ENDOD1: variants seen among roughly 807,000 people sequenced by gnomAD.
ENDOD1 encodes the protein endonuclease domain-containing 1 protein.
In ENDOD1, 9 loss-of-function variants were observed where a neutral mutation model predicts 6.5. The observed-to-expected ratio is 1.39, with a 90% CI of 0.84 to 2.43. The LOEUF (loss-of-function observed/expected upper bound fraction) is 2.43. Ranked by LOEUF, ENDOD1 falls within the 30% of genes most tolerant of loss-of-function variation. ENDOD1 has a pLI of 0.00. For missense variants in ENDOD1, 648 were observed against 635.5 expected, an observed-to-expected ratio of 1.02 and a Z score of -0.21; for synonymous variants, 255 against 255.2, an observed-to-expected ratio of 1.00 and a Z score of 0.01.
intron 1 of ENDOD1, among the ~76,000 whole-genome samples, chr11:95,102,196 C>T (rs557814151): frequency 5.3e-5 from 8 of 152,226 alleles, no homozygotes; most frequent in African/African-American, 1.9e-4. Context: ...TTACTAAAGC[C>T]TACTGCCATT....
At chr11:95,108,410 C>G (rs1455939492) in intron 1 of ENDOD1, among the ~76,000 whole-genome samples, 2 of 151,744 alleles carry the variant, frequency 1.3e-5, no homozygotes, top group Non-Finnish European at 2.9e-5. Context: ...AAGGGTGATT[C>G]ACTGGAGGAA....
At chr11:95,090,359 A>T in intron 1 of ENDOD1, 132 bp downstream of exon 1, 1 of 1,230,376 alleles carries the variant, frequency 8.1e-7, no homozygotes, top group South Asian at 2.2e-5. Flanking sequence ...TTGGGCCAAG[A>T]AACCCGGGTT....
At position 95,090,137 on chromosome 11, in the gene ENDOD1, C is replaced by T; in HGVS notation, c.210C>T (p.Ser70=). The T allele has an allele frequency of 1.3e-6, 2 of 1,529,796 alleles. No individual in the cohort carries two copies. Among genetic ancestry groups the T allele is most frequent in the Non-Finnish European group, 1.8e-6 (2 of 1,137,444 alleles). The allele number at this position is 1,529,796 out of a possible 1,614,324, so 94.8% of individuals were successfully genotyped here. The change falls in exon 1 of 2, where the codon AGC becomes AGT. Residue 70 remains serine, a synonymous_variant. Transcript: ENST00000278505. ...CTGAGCGCTTCGCCACCCTCTACAG[C>T]ACCCGGGACCGCATCCCCGTGTACT... The part of the protein sequence containing the change: ...EGAERFATLY[S]TRDRIPVYSA...
At chr11:95,101,064 T>C (rs782356962) in intron 1 of ENDOD1, among the ~76,000 whole-genome samples, 2 of 152,104 alleles carry the variant, frequency 1.3e-5, no homozygotes, top group Non-Finnish European at 2.9e-5. Flanking sequence ...GTGCTCACCA[T>C]TGAGTCCTGG....
chr11:95,107,178 AC>A (rs1192146479), intron 1 of ENDOD1, among the ~76,000 whole-genome samples: 1 of 149,258 alleles, frequency 6.7e-6, no homozygotes, highest in African/African-American at 2.5e-5. Context: ...GTGGAGGGGA[AC>A]TTTTTTTTTA....
intron 1 of ENDOD1, among the ~76,000 whole-genome samples, chr11:95,095,052 C>T (rs1858970708): frequency 6.6e-6 from 1 of 151,066 alleles, no homozygotes; most frequent in African/African-American, 2.5e-5. Context: ...CGCACACACA[C>T]ACACACACAC....
intron 1 of ENDOD1, among the ~76,000 whole-genome samples, chr11:95,118,370 T>C (rs1859230965): frequency 6.6e-6 from 1 of 152,160 alleles, no homozygotes; most frequent in Non-Finnish European, 1.5e-5. Flanking sequence ...TCTCTCAGCT[T>C]TTGTTTGTCT....
At position 95,129,245 on chromosome 11, in the gene ENDOD1, T is replaced by C. The variant is rs1565450235; in HGVS notation, c.1169T>C (p.Ile390Thr). 7 of 1,614,114 alleles carry C rather than the reference T, an allele frequency of 4.3e-6. No homozygotes were observed. The highest frequency in any genetic ancestry group is 1.1e-5 in the South Asian group (1 of 91,084). ...GSATISYFMA[I>T]GEELVSIPWK... is the part of the protein sequence containing the mutation. ...GCCACCATCTCATACTTCATGGCCA[T>C]TGGGGAAGAGTTGGTGAGCATTCCC... The change falls in exon 2 of 2, where the codon ATT becomes ACT. Residue 390 changes from isoleucine to threonine, a missense_variant. Coordinates refer to ENST00000278505, the MANE Select transcript of ENDOD1 (RefSeq NM_015036.3).
At chr11:95,095,960 T>C (rs1858979557) in intron 1 of ENDOD1, among the ~76,000 whole-genome samples, 1 of 152,200 alleles carries the variant, frequency 6.6e-6, no homozygotes, top group South Asian at 2.1e-4. Context: ...GTTCTTTGGA[T>C]GGTTTATGGT....
chr11:95,100,051 T>TC (rs1278832560), intron 1 of ENDOD1, among the ~76,000 whole-genome samples: 1 of 152,242 alleles, frequency 6.6e-6, no homozygotes, highest in Non-Finnish European at 1.5e-5. Flanking sequence ...CATTCTTGGA[T>TC]ATCTCCATTG....
chr11:95,091,719 T>C (rs1454838029), intron 1 of ENDOD1, among the ~76,000 whole-genome samples: 1 of 95,470 alleles, frequency 1.0e-5, no homozygotes, highest in African/African-American at 4.4e-5. Context: ...TAGTGACTCC[T>C]GCTGTGTGCC....
At position 95,131,541 on chromosome 11, in the gene ENDOD1, C is replaced by T. The variant is rs1356966892; in HGVS notation, c.*1962C>T. On this transcript the variant is annotated 3_prime_UTR_variant, in exon 2 of 2. Coordinates refer to ENST00000278505, the MANE Select transcript of ENDOD1 (RefSeq NM_015036.3). ...GTCCCATCACACCTGAGATGTCAGA[C>T]ATGGGAAGTTCGTGCTATTATTCAG... 5 of 152,222 alleles carry T rather than the reference C, an allele frequency of 3.3e-5. No homozygotes were observed. The highest frequency in any genetic ancestry group is 1.2e-4 in the African/African-American group (5 of 41,460). 9.4% of individuals were successfully genotyped at this position (152,222 alleles called of 1,614,324 possible). A position where few individuals can be genotyped will look rare whatever the true frequency, so the allele number is the denominator to read the frequency against.
intron 1 of ENDOD1, among the ~76,000 whole-genome samples, chr11:95,119,940 G>C (rs1036622518): frequency 3.9e-5 from 6 of 152,186 alleles, no homozygotes; most frequent in African/African-American, 1.4e-4. Context: ...TCACCCTGTG[G>C]GCTCTGACAC....
intron 1 of ENDOD1, among the ~76,000 whole-genome samples, chr11:95,097,593 G>T (rs79133068): frequency 6.6e-6 from 1 of 152,154 alleles, no homozygotes; most frequent in Non-Finnish European, 1.5e-5. Flanking sequence ...AGAGAGCTTC[G>T]ATGTGATCTG....
At chr11:95,090,685 A>G (rs1858921988) in intron 1 of ENDOD1, among the ~76,000 whole-genome samples, 1 of 152,070 alleles carries the variant, frequency 6.6e-6, no homozygotes, top group Admixed American at 6.5e-5. Context: ...TCCCCATTTT[A>G]CAGAAGAGGA....
At chr11:95,107,320 C>T (rs1859098867) in intron 1 of ENDOD1, among the ~76,000 whole-genome samples, 1 of 143,656 alleles carries the variant, frequency 7.0e-6, no homozygotes, top group African/African-American at 2.6e-5. Context: ...GGCGAGAGAG[C>T]GAGACTCAGT....
rs144364738 is a variant in ENDOD1, at chr11:95,122,223, A to G, written c.301-6154A>G. Among the ~76,000 whole-genome samples the G allele has an allele frequency of 4.2e-3, 642 of 151,992 alleles. 5 individuals are homozygous for G. Among genetic ancestry groups the G allele is most frequent in the African/African-American group, 0.015 (619 of 41,466 alleles). On this transcript the variant is annotated intron_variant, in intron 1 of 1. Transcript: ENST00000278505. Reference sequence around the variant, plus strand: ...AGTATTACTATTGTTATTTTTCTATATATTTTTTTCAGTTTTTGAGACAGA... The same window carrying G: ...AGTATTACTATTGTTATTTTTCTATGTATTTTTTTCAGTTTTTGAGACAGA...
intron 1 of ENDOD1, among the ~76,000 whole-genome samples, chr11:95,100,971 C>G (rs1360733355): frequency 7.1e-6 from 1 of 141,140 alleles, no homozygotes; most frequent in Non-Finnish European, 1.5e-5. Context: ...TAATAAGTTG[C>G]AATTATACAT....
chr11:95,130,677 A>G lies in ENDOD1; in HGVS notation c.*1098A>G, dbSNP rs556081575. On this transcript the variant is annotated 3_prime_UTR_variant, in exon 2 of 2. Transcript: ENST00000278505. Reference sequence around the variant, plus strand: ...AAAAGTTATTGTGGCCATCTCTGAAAAAAATATATAAAATATTTAAGAATA... The same window carrying G: ...AAAAGTTATTGTGGCCATCTCTGAAGAAAATATATAAAATATTTAAGAATA... 5.3e-5 allele frequency: 8 copies of G among 152,328 alleles called. 1 individual carries two copies. The South Asian group carries it at 8.3e-4, about 16-fold the overall frequency. 9.4% of individuals were successfully genotyped at this position (152,328 alleles called of 1,614,324 possible).
Sources: gnomAD v4.1 joint callset for allele counts (sites outside exome capture counted in the v4.1 genomes callset) on GRCh38, gnomAD v4.1.1 for gene constraint, MANE v1.5 for transcripts, NCBI Gene and HGNC (gene_info 2026-07-23, HGNC 2026-07-21) for gene names.